LPCAT2: variants seen among roughly 807,000 people sequenced by gnomAD.
LPCAT2 encodes the protein lysophosphatidylcholine acyltransferase 2.
In LPCAT2, 58 loss-of-function variants were observed where a neutral mutation model predicts 64.7. The observed-to-expected ratio is 0.90, with a 90% CI of 0.73 to 1.12. LPCAT2 has a LOEUF of 1.12. Among genes scored for constraint, LPCAT2 ranks in the 50% most tolerant of loss-of-function variants. The pLI is 0.00. For synonymous variants in LPCAT2, 252 were observed against 245.3 expected, an observed-to-expected ratio of 1.03 and a Z score of -0.26; for missense variants, 579 against 669.8, an observed-to-expected ratio of 0.86 and a Z score of 1.50.
rs952701331 is a variant in LPCAT2 at position 55,572,154 on chromosome 16, T to G, written c.1216-2477T>G. Among the ~76,000 whole-genome samples the G allele has an allele frequency of 6.2e-4, 94 of 152,320 alleles. 1 individual carries two copies. The highest frequency in any genetic ancestry group is 2.2e-3 in the African/African-American group (90 of 41,570). ...TTAATGAAATTAGGGGTCCAGAATG[T>G]TACCTTGTTCTGTGACTAGTGGTAA... On this transcript the variant is annotated intron_variant, in intron 11 of 13. Transcript: ENST00000262134.
At chr16:55,561,993 A>G (rs1198159609) in intron 11 of LPCAT2, among the ~76,000 whole-genome samples, 1 of 152,022 alleles carries the variant, frequency 6.6e-6, no homozygotes, top group Non-Finnish European at 1.5e-5. Flanking sequence ...AGCTAGAATA[A>G]TCATTATTCA....
intron 11 of LPCAT2, among the ~76,000 whole-genome samples, chr16:55,565,879 T>A (rs1164831406): frequency 6.6e-6 from 1 of 152,158 alleles, no homozygotes; most frequent in Non-Finnish European, 1.5e-5. Flanking sequence ...ATCACAATTT[T>A]AAAACATTTA....
rs200782744 is a variant in LPCAT2, at chr16:55,528,443, T to C, written c.378T>C (p.Val126=). 128 of 1,613,946 alleles carry C rather than the reference T, an allele frequency of 7.9e-5. No homozygotes were observed. Among genetic ancestry groups the C allele is most frequent in the Non-Finnish European group, 8.5e-5 (100 of 1,179,962 alleles). The change falls in exon 3 of 14, where the codon GTT becomes GTC. Residue 126 remains valine (V), a synonymous_variant. Transcript: ENST00000262134. ...RAMFFSMGFI[V]AVKGKIASPL... ...TGTTCTTTTCAATGGGATTTATAGT[T>C]GCTGTAAAAGGAAAGATTGCAAGTC...
chr16:55,585,562 AAAC>A lies in LPCAT2; in HGVS notation c.*2465_*2467del, dbSNP rs1332553433. The A allele has an allele frequency of 6.6e-6, 1 of 152,224 alleles. No homozygotes were observed. Among genetic ancestry groups the A allele is most frequent in the Non-Finnish European group, 1.5e-5 (1 of 68,052 alleles). The allele number at this position is 152,224 out of a possible 1,614,324, so 9.4% of individuals were successfully genotyped here. A position where few individuals can be genotyped will look rare whatever the true frequency, so the allele number is the denominator to read the frequency against. ...CATGGCTTCATATAGTAATATAAAA[AAAC>A]TCTTTGAAGTGAGAAATATTATATC... On this transcript the variant is annotated 3_prime_UTR_variant, in exon 14 of 14. Coordinates refer to ENST00000262134, the MANE Select transcript of LPCAT2 (RefSeq NM_017839.5).
chr16:55,547,862 G>A (rs545156497), intron 9 of LPCAT2, among the ~76,000 whole-genome samples: 5 of 152,072 alleles, frequency 3.3e-5, no homozygotes, highest in African/African-American at 1.2e-4. Context: ...CCGCCTCCTG[G>A]GTTCAAGTGA....
At chr16:55,564,461 G>A (rs1318081955) in intron 11 of LPCAT2, among the ~76,000 whole-genome samples, 1 of 151,904 alleles carries the variant, frequency 6.6e-6, no homozygotes, top group Non-Finnish European at 1.5e-5. Context: ...CAAACCTACA[G>A]TAATCAAAAC....
chr16:55,515,948 G>C (rs12708952), intron 1 of LPCAT2, among the ~76,000 whole-genome samples: 78,467 of 151,956 alleles, frequency 0.52, 20,485 homozygotes, highest in Non-Finnish European at 0.55. Flanking sequence ...TTAAAAAGAC[G>C]TAAGACATAC....
chr16:55,572,305 A>G (rs1419290041), intron 11 of LPCAT2, among the ~76,000 whole-genome samples: 1 of 152,224 alleles, frequency 6.6e-6, no homozygotes, highest in East Asian at 1.9e-4. Flanking sequence ...TAAAGATACA[A>G]CATAAATTCA....
intron 11 of LPCAT2, among the ~76,000 whole-genome samples, chr16:55,571,198 T>C (rs1963766124): frequency 6.6e-6 from 1 of 152,200 alleles, no homozygotes; most frequent in African/African-American, 2.4e-5. Flanking sequence ...AATTCAACTA[T>C]GAAACAACTG....
Position 55,509,202 on chromosome 16 carries a change from G to T in LPCAT2, c.21G>T (p.Ala7=). Residue 7 remains alanine, a synonymous_variant, in exon 1 of 14, where the codon GCG becomes GCT. Coordinates refer to ENST00000262134, the MANE Select transcript of LPCAT2 (RefSeq NM_017839.5). ...CAACTATGAGCCGGTGCGCCCAGGC[G>T]GCGGAAGTGGCGGCCACAGTGCCAG... MSRCAQ[A]AEVAATVPGA... 1 of 1,405,514 alleles carries T rather than the reference G, an allele frequency of 7.1e-7. No individual in the cohort carries two copies. Among genetic ancestry groups the T allele is most frequent in the Non-Finnish European group, 9.3e-7 (1 of 1,074,302 alleles). The allele number at this position is 1,405,514 out of a possible 1,614,324, so 87.1% of individuals were successfully genotyped here.
chr16:55,529,261 G>C (rs770479532), intron 3 of LPCAT2, among the ~76,000 whole-genome samples: 2 of 152,094 alleles, frequency 1.3e-5, no homozygotes, highest in African/African-American at 4.8e-5. Flanking sequence ...CAGTGCTCTG[G>C]AGAAGTAATA....
chr16:55,516,003 G>T (rs8053466), intron 1 of LPCAT2, among the ~76,000 whole-genome samples: 72,813 of 152,060 alleles, frequency 0.48, 18,115 homozygotes, highest in Non-Finnish European at 0.55. Context: ...TACCTTATTA[G>T]TAATTACATT....
In LPCAT2 at chr16:55,562,078, G is replaced by A. The variant is rs927285802; in HGVS notation, c.1215+10976G>A. Among the ~76,000 whole-genome samples, 5 of 151,932 alleles carry A rather than the reference G, an allele frequency of 3.3e-5. No homozygotes were observed. The East Asian group carries it at 9.6e-4, about 29-fold the overall frequency. On this transcript the variant is annotated intron_variant, in intron 11 of 13. Transcript: ENST00000262134. ...TGACTTTACATTTGAGCTGTCAGTA[G>A]TTTCTACAATTACTTGTGAGAGAGA...
At chr16:55,533,844 G>C (rs1290616040) in intron 6 of LPCAT2, among the ~76,000 whole-genome samples, 3 of 152,048 alleles carry the variant, frequency 2.0e-5, no homozygotes, top group Non-Finnish European at 4.4e-5. Context: ...GAATGTTTTG[G>C]TTCTGAGAGG....
intron 12 of LPCAT2, among the ~76,000 whole-genome samples, chr16:55,576,867 A>G (rs1174304300): frequency 6.6e-6 from 1 of 152,146 alleles, no homozygotes; most frequent in African/African-American, 2.4e-5. Context: ...GTTATGGCAA[A>G]GGACACATAT....
chr16:55,568,128 C>T (rs1371435333), intron 11 of LPCAT2, among the ~76,000 whole-genome samples: 6 of 141,780 alleles, frequency 4.2e-5, no homozygotes, highest in African/African-American at 1.6e-4. Flanking sequence ...TTCTAAAGTT[C>T]TTTAATTCTG....
chr16:55,537,201 A>G (rs1284004839), intron 7 of LPCAT2, among the ~76,000 whole-genome samples: 2 of 152,044 alleles, frequency 1.3e-5, no homozygotes, highest in Non-Finnish European at 2.9e-5. Context: ...TATTCATTTG[A>G]TGATTTAACT....
chr16:55,511,434 A>G (rs2192853), intron 1 of LPCAT2, among the ~76,000 whole-genome samples: 78,328 of 152,014 alleles, frequency 0.52, 20,426 homozygotes, highest in Non-Finnish European at 0.55. Flanking sequence ...TTTAAGTATG[A>G]CTTAGTATGA....
chr16:55,520,389 G>A (rs1256608046), intron 1 of LPCAT2, among the ~76,000 whole-genome samples: 5 of 151,990 alleles, frequency 3.3e-5, no homozygotes, highest in African/African-American at 1.2e-4. Context: ...AGCTAAAATT[G>A]AGAAAACTAA....
Sources: gnomAD v4.1 joint callset for allele counts (sites outside exome capture counted in the v4.1 genomes callset) on GRCh38, gnomAD v4.1.1 for gene constraint, MANE v1.5 for transcripts, NCBI Gene and HGNC (gene_info 2026-07-23, HGNC 2026-07-21) for gene names.